The following NEK4 variants were observed in gnomAD, a reference collection of about 807,000 sequenced individuals.
The protein encoded by NEK4 is NIMA related kinase 4, also known as serine/threonine-protein kinase Nek4.
NEK4 carries 86 observed loss-of-function variants against 98.4 expected under a neutral mutation model. The observed-to-expected ratio is 0.87, with a 90% confidence interval of 0.73 to 1.05. The LOEUF is 1.05. Among genes scored for constraint, NEK4 ranks in the 50% least tolerant of loss-of-function variants. The pLI is 0.00. For missense variants in NEK4, 898 were observed against 950.3 expected (o/e 0.94, Z 0.72); for synonymous variants, 328 against 342.2 (o/e 0.96, Z 0.46).
chr3:52,750,405 G>A (rs1338793037), intron 7 of NEK4, among the ~76,000 whole-genome samples: 1 of 151,966 alleles, frequency 6.6e-6, no homozygotes, highest in Non-Finnish European at 1.5e-5. Context: ...AAAATCAGCT[G>A]GGCATGGTGG....
In NEK4 at chr3:52,760,584, T is replaced by C. The variant is rs146486238; in HGVS notation, c.963+211A>G. Among the ~76,000 whole-genome samples, 12 of 152,382 alleles carry C rather than the reference T, an allele frequency of 7.9e-5. No individual in the cohort carries two copies. In the East Asian group the frequency reaches 1.5e-3, roughly 20 times the overall value. ...TCACCTAAAAAATTCTTAAAGTTAT[T>C]ACAGCACTGACTTTGTGAACAATTT... On this transcript the variant is annotated intron_variant, in intron 6 of 15. Transcript: ENST00000233027.
intron 15 of NEK4, among the ~76,000 whole-genome samples, chr3:52,717,560 G>T (rs909157652): frequency 8.6e-5 from 13 of 151,996 alleles, no homozygotes; most frequent in Non-Finnish European, 1.8e-4. Context: ...CGGGTGCTAA[G>T]TTTCTAAAGT....
intron 15 of NEK4, among the ~76,000 whole-genome samples, chr3:52,730,559 G>C (rs549125848): frequency 1.1e-4 from 16 of 152,138 alleles, no homozygotes; most frequent in South Asian, 2.1e-4. Context: ...GATGATTAAA[G>C]TATTTTTTCA....
chr3:52,752,055 A>G lies in NEK4; in HGVS notation c.1245T>C (p.Thr415=). The change falls in exon 7 of 16, where the codon ACT becomes ACC. Residue 415 remains threonine (T), a synonymous_variant. Coordinates refer to ENST00000233027, the MANE Select transcript of NEK4 (RefSeq NM_003157.6). ...GGTTTTCAGGCTGGGCACTGGATTT[A>G]GTGTTGTCCTGCAGCATCTCCTCTT... is the stretch of plus-strand genomic sequence containing the variant. The part of the protein sequence containing the change: ...QVEEEMLQDN[T]KSSAQPENLI... 1 of 1,614,190 alleles carries G rather than the reference A, an allele frequency of 6.2e-7. No individual in the cohort carries two copies. Among genetic ancestry groups the G allele is most frequent in the East Asian group, 2.2e-5 (1 of 44,884 alleles).
intron 15 of NEK4, among the ~76,000 whole-genome samples, chr3:52,734,452 C>CAAAAAAAAAAAAA (rs76013023): frequency 3.0e-5 from 3 of 100,610 alleles, no homozygotes; most frequent in Non-Finnish European, 4.0e-5. Context: ...GACTCCAACT[C>CAAAAAAAAAAAAA]AAAAAAAAAA....
In NEK4 at chr3:52,768,507, T is replaced by C. The variant is rs1314524583; in HGVS notation, c.191A>G (p.Asn64Ser). The C allele has an allele frequency of 1.2e-6, 2 of 1,614,224 alleles. No homozygotes were observed. The highest frequency in any genetic ancestry group is 1.7e-6 in the Non-Finnish European group (2 of 1,180,030). The part of the protein sequence containing the change: ...AQLLSQLKHP[N>S]IVTYKESWEG... ...CCATGACTCCTTGTAGGTGACAATG[T>C]TGGGATGCTTCAACTGAGACAAGAG... Residue 64 changes from asparagine to serine, a missense_variant, in exon 2 of 16, where the codon AAC becomes AGC. Transcript: ENST00000233027.
chr3:52,750,684 C>CT lies in NEK4; in HGVS notation c.1369-856dup, dbSNP rs778630168. Among the ~76,000 whole-genome samples, 10 of 152,074 alleles carry CT rather than the reference C, an allele frequency of 6.6e-5. No homozygotes were observed. The South Asian group carries it at 1.5e-3, about 22-fold the overall frequency. On this transcript the variant is annotated intron_variant, in intron 7 of 15. Coordinates refer to ENST00000233027, the MANE Select transcript of NEK4 (RefSeq NM_003157.6). ...GACTCATGCCTATAATCCCAGTACG[C>CT]TGGGAGGCCAAGTTGGGAGGACTGT... is the stretch of plus-strand genomic sequence containing the variant.
chr3:52,767,167 TC>T (rs1656003779), intron 2 of NEK4, among the ~76,000 whole-genome samples: 1 of 151,812 alleles, frequency 6.6e-6, no homozygotes, highest in South Asian at 2.1e-4. Flanking sequence ...ACGCCTATAA[TC>T]CCAGCTACTT....
chr3:52,711,731 C>T lies in NEK4; in HGVS notation c.*46G>A. 1.6e-6 allele frequency: 2 copies of T among 1,256,440 alleles called. No individual in the cohort carries two copies. The highest frequency in any genetic ancestry group is 1.2e-6 in the Non-Finnish European group (1 of 861,162). 77.8% of individuals were successfully genotyped at this position (1,256,440 alleles called of 1,614,324 possible). ...TGCCCTTGCTTTTTAAGCCAAAATC[C>T]TCTAAAAATAGGTCTTTAATTCTGG... On this transcript the variant is annotated 3_prime_UTR_variant, in exon 16 of 16. Coordinates refer to ENST00000233027, the MANE Select transcript of NEK4 (RefSeq NM_003157.6).
At chr3:52,714,969 A>G (rs1353797473) in intron 15 of NEK4, among the ~76,000 whole-genome samples, 1 of 152,026 alleles carries the variant, frequency 6.6e-6, no homozygotes, top group Non-Finnish European at 1.5e-5. Flanking sequence ...GCTGAGGGGG[A>G]GTGGAGGGCA....
rs1181184745 is a variant in NEK4, at chr3:52,709,347, AC to A, written c.*2429del. 4 of 152,164 alleles carry A rather than the reference AC, an allele frequency of 2.6e-5. No homozygotes were observed. The highest frequency in any genetic ancestry group is 2.6e-4 in the Admixed American group (4 of 15,276). 9.4% of individuals were successfully genotyped at this position (152,164 alleles called of 1,614,324 possible). The stretch of plus-strand genomic sequence containing the variant: ...AGATGAATTAAGCACTCAAGTAAAA[AC>A]GATAAAAGTGGGAAGAAAAGATGTT... On this transcript the variant is annotated 3_prime_UTR_variant, in exon 16 of 16. Transcript: ENST00000233027.
chr3:52,766,821 C>T (rs1245772810), intron 2 of NEK4, among the ~76,000 whole-genome samples: 2 of 151,972 alleles, frequency 1.3e-5, no homozygotes, highest in East Asian at 1.9e-4. Flanking sequence ...CCCGTCTCTA[C>T]TAAAAATACA....
At chr3:52,761,625 G>A (rs1053367631) in intron 5 of NEK4, among the ~76,000 whole-genome samples, 3 of 152,046 alleles carry the variant, frequency 2.0e-5, no homozygotes, top group Admixed American at 2.0e-4. Flanking sequence ...TCTTAGTTTT[G>A]ACAAATGCAT....
chr3:52,720,440 T>C (rs1266859599), intron 15 of NEK4, among the ~76,000 whole-genome samples: 4 of 152,176 alleles, frequency 2.6e-5, no homozygotes, highest in Non-Finnish European at 5.9e-5. Flanking sequence ...AACTTCCAAG[T>C]AGGATAAACT....
intron 4 of NEK4, among the ~76,000 whole-genome samples, chr3:52,765,307 T>C (rs1698512695): frequency 6.8e-6 from 1 of 147,722 alleles, no homozygotes; most frequent in Admixed American, 6.9e-5. Flanking sequence ...GCTGAGATCA[T>C]GCCATTGCAC....
rs755565214 is a variant in NEK4, at chr3:52,768,561, T to C, written c.137A>G (p.Glu46Gly). 3.7e-6 allele frequency: 6 copies of C among 1,614,196 alleles called. No homozygotes were observed. The highest frequency in any genetic ancestry group is 5.1e-6 in the Non-Finnish European group (6 of 1,180,024). Residue 46 changes from glutamate (E) to glycine (G), a missense_variant, in exon 2 of 16, where the codon GAG (glutamate) becomes GGG (glycine). Coordinates refer to ENST00000233027, the MANE Select transcript of NEK4 (RefSeq NM_003157.6). ...GGCTTCCTGTTCAGCAGCTCGCCGC[T>C]CTCGGCTAGAGGCATTTCGGAGGTT... Reference protein sequence around the residue: ...KLNLRNASSRERRAAEQEAQL... With the variant: ...KLNLRNASSRGRRAAEQEAQL...
At chr3:52,742,738 AAAG>A (rs1364007696) in intron 12 of NEK4, among the ~76,000 whole-genome samples, 3 of 152,206 alleles carry the variant, frequency 2.0e-5, no homozygotes, top group Admixed American at 6.5e-5. Context: ...CAGATTGAGC[AAAG>A]TGCTGCCTAG....
At chr3:52,724,702 A>G (rs535700620) in intron 15 of NEK4, among the ~76,000 whole-genome samples, 2 of 152,352 alleles carry the variant, frequency 1.3e-5, no homozygotes, top group African/African-American at 4.8e-5. Flanking sequence ...CAAAGGGTAC[A>G]AGGTTCAGTT....
intron 13 of NEK4, 128 bp downstream of exon 13, chr3:52,741,283 T>A: frequency 2.1e-6 from 1 of 486,060 alleles, no homozygotes; most frequent in South Asian, 2.8e-5. Flanking sequence ...AGCTCCAGCA[T>A]ATGCCACAAA....
Sources: allele counts gnomAD v4.1 joint callset (sites outside exome capture counted in the v4.1 genomes callset), GRCh38; gene constraint gnomAD v4.1.1; transcripts MANE v1.5; gene names NCBI Gene and HGNC (gene_info 2026-07-23, HGNC 2026-07-21).